The following IL18RAP variants were observed in gnomAD, a reference collection of about 807,000 sequenced individuals.
IL18RAP encodes the protein interleukin 18 receptor accessory protein.
Under a neutral mutation model 58.1 loss-of-function variants are expected in IL18RAP, and 37 were observed. The ratio of observed to expected loss-of-function variants is 0.64; its 90% CI spans 0.49 to 0.84. The LOEUF (loss-of-function observed/expected upper bound fraction) is 0.84, where lower values mean the gene tolerates loss of function less well. Ranked by LOEUF, IL18RAP falls within the 40% of genes least tolerant of loss-of-function variation. The probability of loss-of-function intolerance (pLI) is 0.00; values close to 1 mark genes in which losing one functional copy is unlikely to be tolerated. For synonymous variants in IL18RAP, 268 were observed against 257.5 expected, an observed-to-expected ratio of 1.04 and a Z score of -0.39; for missense variants, 667 against 704.8, an observed-to-expected ratio of 0.95 and a Z score of 0.61.
At chr2:102,451,047 T>C (rs775710744) in intron 9 of IL18RAP, 26 bp downstream of exon 9, 4 of 1,558,098 alleles carry the variant, frequency 2.6e-6, no homozygotes, top group African/African-American at 1.4e-5. Flanking sequence ...CAAGAAAAAC[T>C]GCAGTGCAAA....
intron 3 of IL18RAP, among the ~76,000 whole-genome samples, chr2:102,426,192 C>T (rs1681929189): frequency 6.6e-6 from 1 of 152,114 alleles, no homozygotes; most frequent in African/African-American, 2.4e-5. Context: ...ATGCTAACCC[C>T]CAGGTTCTCA....
At chr2:102,440,094 A>G (rs1030871678) in intron 4 of IL18RAP, 3 of 152,332 alleles carry the variant, frequency 2.0e-5, no homozygotes, top group African/African-American at 7.2e-5. Context: ...TGTAGGAAAG[A>G]CATAACCTCA....
At chr2:102,443,885 C>G (rs1305862629) in intron 6 of IL18RAP, among the ~76,000 whole-genome samples, 3 of 152,152 alleles carry the variant, frequency 2.0e-5, no homozygotes, top group African/African-American at 7.2e-5. Context: ...GTTTGTTGCT[C>G]TCTGGAGCAC....
chr2:102,419,945 T>A (rs970875172), upstream of IL18RAP: 1 of 152,250 alleles, frequency 6.6e-6, no homozygotes, highest in African/African-American at 2.4e-5. Flanking sequence ...AAGCAGAGTC[T>A]GAAGCTTGCT....
At position 102,442,452 on chromosome 2, in the gene IL18RAP, C is replaced by T. The variant is rs192076866; in HGVS notation, c.797-748C>T. ...GAAATAGCACTAACTATGTGCTCAA[C>T]GTCACAGGAATGGAAGGAAGGAGGA... On this transcript the variant is annotated intron_variant, in intron 5 of 9. Transcript: ENST00000687160. Among the ~76,000 whole-genome samples the T allele has an allele frequency of 9.5e-4, 145 of 151,930 alleles. 1 individual carries two copies. The highest frequency in any genetic ancestry group is 3.2e-3 in the African/African-American group (134 of 41,392).
At chr2:102,446,536 A>C (rs1435422623) in intron 7 of IL18RAP, among the ~76,000 whole-genome samples, 2 of 152,142 alleles carry the variant, frequency 1.3e-5, no homozygotes, top group Non-Finnish European at 2.9e-5. Context: ...CCCATTTATA[A>C]GTGAAAACAC....
intron 7 of IL18RAP, 75 bp from the exon 8 acceptor site, chr2:102,446,995 T>TAG: frequency 6.8e-7 from 1 of 1,474,230 alleles, no homozygotes; most frequent in East Asian, 2.3e-5. Context: ...GGGTGGGCCA[T>TAG]AGCGCCGGCC....
intron 7 of IL18RAP, among the ~76,000 whole-genome samples, chr2:102,446,493 A>G (rs1288179125): frequency 6.6e-6 from 1 of 152,058 alleles, no homozygotes; most frequent in African/African-American, 2.4e-5. Context: ...CCGTTGTATT[A>G]TTCTTATGCC....
At chr2:102,439,606 A>C (rs1682973809) in intron 4 of IL18RAP, 1 of 152,262 alleles carries the variant, frequency 6.6e-6, no homozygotes, top group Non-Finnish European at 1.5e-5. Flanking sequence ...CTGGACTTGT[A>C]GGTCAACAGA....
At chr2:102,431,781 T>C (rs1414857329) in intron 3 of IL18RAP, among the ~76,000 whole-genome samples, 1 of 104,012 alleles carries the variant, frequency 9.6e-6, no homozygotes, top group Non-Finnish European at 1.9e-5. Flanking sequence ...AAAACTTTTT[T>C]TTCTATTTCT....
chr2:102,447,336 A>G, intron 8 of IL18RAP, 129 bp downstream of exon 8: 2 of 1,059,782 alleles, frequency 1.9e-6, no homozygotes, highest in South Asian at 3.2e-5. Context: ...AGAACTTCAA[A>G]TGTCCCCTGC....
At position 102,426,782 on chromosome 2, in the gene IL18RAP, T is replaced by C. The variant is rs1681974450; in HGVS notation, c.579+2368T>C. ...AGACATTTGAAACTTACTCTCTTAG[T>C]TATTTTGAAATGTGCAATACAATAT... On this transcript the variant is annotated intron_variant, in intron 3 of 9. Transcript: ENST00000687160. Among the ~76,000 whole-genome samples the C allele has an allele frequency of 2.0e-5, 3 of 152,142 alleles. No homozygotes were observed. The South Asian group carries it at 6.2e-4, about 31-fold the overall frequency.
At chr2:102,437,166 G>GT (rs746936636) in intron 3 of IL18RAP, 46 bp from the exon 4 acceptor site, 1 of 1,566,158 alleles carries the variant, frequency 6.4e-7, no homozygotes, top group East Asian at 2.3e-5. Flanking sequence ...ATTTCATAAA[G>GT]TTTTTCTGTG....
upstream of IL18RAP, chr2:102,419,891 C>T (rs1465793218): frequency 6.6e-6 from 1 of 152,224 alleles, no homozygotes; most frequent in Non-Finnish European, 1.5e-5. Context: ...CACCCCGCTT[C>T]ACTTTACAGA....
intron 3 of IL18RAP, among the ~76,000 whole-genome samples, chr2:102,435,858 T>C (rs79497941): frequency 6.6e-6 from 1 of 151,318 alleles, no homozygotes; most frequent in Admixed American, 6.6e-5. Context: ...TTTTTTTTTT[T>C]TGCATGCCTC....
upstream of IL18RAP, among the ~76,000 whole-genome samples, chr2:102,420,245 T>C (rs1022489822): frequency 4.6e-5 from 7 of 152,210 alleles, no homozygotes; most frequent in African/African-American, 1.7e-4. Context: ...TGCTTATCCC[T>C]GAGCAGGGTT....
chr2:102,438,992 G>T (rs1682931728), intron 4 of IL18RAP: 1 of 152,294 alleles, frequency 6.6e-6, no homozygotes, highest in African/African-American at 2.4e-5. Context: ...TAAGGGTGGG[G>T]AGCTTCCATT....
intron 3 of IL18RAP, among the ~76,000 whole-genome samples, chr2:102,429,245 C>T (rs1682174816): frequency 6.6e-6 from 1 of 151,784 alleles, no homozygotes; most frequent in Admixed American, 6.6e-5. Flanking sequence ...ATTCAGTCTC[C>T]TTATTCATTA....
chr2:102,425,118 T>A (rs1209951488), intron 3 of IL18RAP, among the ~76,000 whole-genome samples: 2 of 152,208 alleles, frequency 1.3e-5, no homozygotes, highest in East Asian at 3.8e-4. Context: ...GATTCTTGGG[T>A]GGTGGAATCC....
Sources: allele counts gnomAD v4.1 joint callset (sites outside exome capture counted in the v4.1 genomes callset), GRCh38; gene constraint gnomAD v4.1.1; transcripts MANE v1.5; gene names NCBI Gene and HGNC (gene_info 2026-07-23, HGNC 2026-07-21).